The following AHCYL2 variants were observed in gnomAD, a reference collection of about 807,000 sequenced individuals.
AHCYL2 encodes adenosylhomocysteinase like 2.
AHCYL2 carries 28 observed loss-of-function variants against 81.4 expected under a neutral mutation model. The ratio of observed to expected loss-of-function variants is 0.34; its 90% CI spans 0.25 to 0.47. AHCYL2 has a LOEUF of 0.47. Ranked by LOEUF, AHCYL2 falls within the 20% of genes least tolerant of loss-of-function variation. The pLI, the probability that AHCYL2 is intolerant of heterozygous loss-of-function variation, is 1.00. For synonymous variants in AHCYL2, 272 were observed against 290.2 expected (o/e 0.94, Z 0.64); for missense variants, 551 against 785.1 (o/e 0.70, Z 3.56).
chr7:129,233,943 T>C lies in AHCYL2; in HGVS notation c.363+8504T>C, dbSNP rs561106751. Among the ~76,000 whole-genome samples the C allele has an allele frequency of 2.6e-5, 4 of 152,270 alleles. No individual in the cohort carries two copies. The South Asian group carries it at 8.3e-4, about 32-fold the overall frequency. On this transcript the variant is annotated intron_variant, in intron 1 of 16. Coordinates refer to ENST00000325006, the MANE Select transcript of AHCYL2 (RefSeq NM_015328.4). ...TGGGACTCATCTTTTTCTCCTTCATTCTGTCAAGACCAATCCCTTCACAGG... is the reference window on the plus strand; with the variant it reads ...TGGGACTCATCTTTTTCTCCTTCATCCTGTCAAGACCAATCCCTTCACAGG...
chr7:129,276,318 A>T (rs1009996313), intron 1 of AHCYL2, among the ~76,000 whole-genome samples: 1 of 152,100 alleles, frequency 6.6e-6, no homozygotes, highest in African/African-American at 2.4e-5. Flanking sequence ...TTACAGCCTT[A>T]CATGCTTATA....
intron 1 of AHCYL2, among the ~76,000 whole-genome samples, chr7:129,304,600 C>G (rs569885558): frequency 6.6e-6 from 1 of 152,308 alleles, no homozygotes; most frequent in South Asian, 2.1e-4. Flanking sequence ...GCTACATCTT[C>G]TTGCTGAATT....
chr7:129,310,117 C>G (rs754248784), intron 1 of AHCYL2, among the ~76,000 whole-genome samples: 2 of 152,052 alleles, frequency 1.3e-5, no homozygotes, highest in South Asian at 2.1e-4. Context: ...TCTCATCCAC[C>G]TCCTTGGTGA....
At chr7:129,294,037 A>G (rs1477971617) in intron 1 of AHCYL2, among the ~76,000 whole-genome samples, 1 of 152,170 alleles carries the variant, frequency 6.6e-6, no homozygotes, top group Non-Finnish European at 1.5e-5. Flanking sequence ...TGTTTGTATT[A>G]TTTCACTTTG....
intron 1 of AHCYL2, among the ~76,000 whole-genome samples, chr7:129,332,710 A>T (rs1798462967): frequency 6.6e-6 from 1 of 152,238 alleles, no homozygotes; most frequent in African/African-American, 2.4e-5. Context: ...GATCATAAAC[A>T]AATAGCTCTC....
At chr7:129,398,384 A>G (rs1485270872) in intron 5 of AHCYL2, among the ~76,000 whole-genome samples, 1 of 133,336 alleles carries the variant, frequency 7.5e-6, no homozygotes, top group African/African-American at 2.8e-5. Context: ...ATTTTTATTT[A>G]TTTATTTTTT....
In AHCYL2 at chr7:129,329,123, A is replaced by G. The variant is rs1798328320; in HGVS notation, c.364-50515A>G. Among the ~76,000 whole-genome samples the G allele has an allele frequency of 3.3e-5, 5 of 152,354 alleles. No individual in the cohort carries two copies. In the South Asian group the frequency reaches 1.0e-3, roughly 32 times the overall value. On this transcript the variant is annotated intron_variant, in intron 1 of 16. Coordinates refer to ENST00000325006, the MANE Select transcript of AHCYL2 (RefSeq NM_015328.4). ...AGTAAAAGAATTACAACCAAATGCA[A>G]CCAAAGCAATGAGAGAATACCTTGC... is the stretch of plus-strand genomic sequence containing the variant.
chr7:129,304,018 T>C (rs1471264699), intron 1 of AHCYL2, among the ~76,000 whole-genome samples: 1 of 151,960 alleles, frequency 6.6e-6, no homozygotes, highest in Middle Eastern at 3.2e-3. Flanking sequence ...ACCTGGGAGC[T>C]GGAGGTTGCA....
chr7:129,286,869 T>G (rs1032662193), intron 1 of AHCYL2, among the ~76,000 whole-genome samples: 1 of 152,132 alleles, frequency 6.6e-6, no homozygotes, highest in East Asian at 1.9e-4. Context: ...TTAAAAATAT[T>G]GATTGATTGA....
At chr7:129,289,275 A>T (rs994963057) in intron 1 of AHCYL2, among the ~76,000 whole-genome samples, 1 of 152,138 alleles carries the variant, frequency 6.6e-6, no homozygotes, top group East Asian at 1.9e-4. Context: ...TTTTTTTTGT[A>T]GAGATGGGAT....
At chr7:129,353,575 T>C (rs975778490) in intron 1 of AHCYL2, among the ~76,000 whole-genome samples, 4 of 151,156 alleles carry the variant, frequency 2.6e-5, no homozygotes, top group African/African-American at 9.8e-5. Flanking sequence ...TAATTTTTTA[T>C]CCGTCTCCCT....
intron 11 of AHCYL2, among the ~76,000 whole-genome samples, chr7:129,413,245 C>T (rs1448279668): frequency 6.7e-6 from 1 of 150,106 alleles, no homozygotes; most frequent in Admixed American, 6.6e-5. Flanking sequence ...GGGTTCATGC[C>T]ATTCTCCTGC....
chr7:129,364,870 A>G (rs936160611), intron 1 of AHCYL2, among the ~76,000 whole-genome samples: 2 of 152,234 alleles, frequency 1.3e-5, no homozygotes, highest in Non-Finnish European at 2.9e-5. Context: ...TTCTCGTCAA[A>G]TAAGTCATAT....
chr7:129,420,472 A>G (rs1038862933), intron 12 of AHCYL2, among the ~76,000 whole-genome samples: 2 of 149,726 alleles, frequency 1.3e-5, no homozygotes, highest in African/African-American at 4.9e-5. Flanking sequence ...CTGTTTGCTT[A>G]AATTCTTTTT....
At chr7:129,365,103 G>T (rs561335544) in intron 1 of AHCYL2, among the ~76,000 whole-genome samples, 10 of 152,258 alleles carry the variant, frequency 6.6e-5, no homozygotes, top group African/African-American at 2.4e-4. Context: ...CCCCTGAAGA[G>T]CCTGGAGACT....
chr7:129,409,938 A>T (rs1034874202), intron 11 of AHCYL2, among the ~76,000 whole-genome samples: 4 of 150,910 alleles, frequency 2.7e-5, no homozygotes, highest in African/African-American at 7.3e-5. Context: ...GACAAACCAG[A>T]GTTTGGATTC....
intron 1 of AHCYL2, among the ~76,000 whole-genome samples, chr7:129,375,298 GGGTA>G (rs1182104528): frequency 6.6e-6 from 1 of 151,878 alleles, no homozygotes; most frequent in African/African-American, 2.4e-5. Context: ...ACAGAGTGTA[GGGTA>G]GGGCCTGCCT....
intron 1 of AHCYL2, among the ~76,000 whole-genome samples, chr7:129,270,868 G>T (rs867398527): frequency 6.6e-6 from 1 of 152,312 alleles, no homozygotes; most frequent in Middle Eastern, 3.4e-3. Flanking sequence ...TGTTACCTGG[G>T]GTTGTCTTCA....
chr7:129,424,137 G>A (rs1396385442), intron 13 of AHCYL2, among the ~76,000 whole-genome samples: 1 of 151,674 alleles, frequency 6.6e-6, no homozygotes, highest in Non-Finnish European at 1.5e-5. Flanking sequence ...CAAAATACAA[G>A]GCTGACAATG....
Sources: allele counts gnomAD v4.1 joint callset (sites outside exome capture counted in the v4.1 genomes callset), GRCh38; gene constraint gnomAD v4.1.1; transcripts MANE v1.5; gene names NCBI Gene and HGNC (gene_info 2026-07-23, HGNC 2026-07-21).